The following PCID2 variants were observed in gnomAD, a reference collection of about 807,000 sequenced individuals.
PCID2 encodes PCI domain-containing protein 2.
A neutral mutation model predicts 61.3 loss-of-function variants in PCID2; 41 were observed. The observed-to-expected ratio is 0.67, with a 90% CI of 0.52 to 0.87. The LOEUF (loss-of-function observed/expected upper bound fraction) is 0.87. PCID2 is among the 40% of genes least tolerant of loss of function. The probability of loss-of-function intolerance (pLI) is 0.00; values close to 1 mark genes in which losing one functional copy is unlikely to be tolerated. For missense variants in PCID2, 392 were observed against 493.4 expected (o/e 0.79, Z 1.95); for synonymous variants, 187 against 177.8 (o/e 1.05, Z -0.41).
At chr13:113,185,859 A>C in intron 7 of PCID2, 1 of 273,104 alleles carries the variant, frequency 3.7e-6, no homozygotes, top group Non-Finnish European at 7.0e-6. Flanking sequence ...TGCAGCAACA[A>C]TGCGTAAAAG....
chr13:113,172,011 T>G, the PCID2 span: 1 of 1,613,018 alleles, frequency 6.2e-7, no homozygotes, highest in South Asian at 1.1e-5. Context: ...CTCACGGGGG[T>G]CCTGGGCTCG....
intron 1 of PCID2, chr13:113,208,381 G>T: frequency 6.9e-7 from 1 of 1,438,884 alleles, no homozygotes; most frequent in African/African-American, 1.4e-5. Context: ...CACGGACACC[G>T]CCCGGCCCCC....
chr13:113,175,563 C>CA (rs532538710), downstream of PCID2, among the ~76,000 whole-genome samples: 204 of 152,322 alleles, frequency 1.3e-3, no homozygotes, highest in African/African-American at 4.7e-3. Flanking sequence ...CCCCACTGGA[C>CA]ACATGGGTAG....
Position 113,185,518 on chromosome 13 carries a change from A to T in PCID2, c.510T>A (p.Phe170Leu). The T allele has an allele frequency of 6.2e-7, 1 of 1,613,418 alleles. No individual in the cohort carries two copies. The highest frequency in any genetic ancestry group is 1.3e-5 in the African/African-American group (1 of 75,044). ...AGATTTTAAACAGCTGGTTCACCAGAAACAGCATGCCCCACTTCTTAGAGT... is the reference window on the plus strand; with the variant it reads ...AGATTTTAAACAGCTGGTTCACCAGTAACAGCATGCCCCACTTCTTAGAGT... ...IEDSKKWGML[F>L]LVNQLFKIYF... Residue 170 changes from phenylalanine (F) to leucine (L), a missense_variant, in exon 8 of 14, where the codon TTT (phenylalanine) becomes TTA (leucine). Physicochemically the swap from Phe to Leu is conservative, Grantham distance 22. This residue lies in a region of PCID2 where 226 missense variants were observed against 296.5 expected (regional missense o/e 0.76). Coordinates refer to ENST00000337344, the MANE Select transcript of PCID2 (RefSeq NM_001127202.4).
rs1368158606 is a variant in PCID2, at chr13:113,181,180, T to C, written c.736A>G (p.Lys246Glu). 1 of 1,613,768 alleles carries C rather than the reference T, an allele frequency of 6.2e-7. No individual in the cohort carries two copies. Among genetic ancestry groups the C allele is most frequent in the Admixed American group, 1.7e-5 (1 of 60,004 alleles). ...TAGATCAGAATCATCCTTTTGTTCTTCTGACTAGAACGGTGACAATGCTCA... is the reference window on the plus strand; with the variant it reads ...TAGATCAGAATCATCCTTTTGTTCTCCTGACTAGAACGGTGACAATGCTCA... The part of the protein sequence containing the change: ...AFEHCHRSSQ[K>E]NKRMILIYLL... Residue 246 changes from lysine (K) to glutamate (E), a missense_variant, in exon 10 of 14, where the codon AAG (lysine) becomes GAG (glutamate). Physicochemically the swap from Lys to Glu is moderately conservative, Grantham distance 56 (BLOSUM62 1). Transcript: ENST00000337344.
At chr13:113,170,531 G>A in the PCID2 span, 3 of 1,521,846 alleles carry the variant, frequency 2.0e-6, no homozygotes, top group African/African-American at 2.7e-5. Flanking sequence ...GTAAAAACAT[G>A]TAAGTATTTT....
chr13:113,201,705 G>A (rs559957290), intron 1 of PCID2, among the ~76,000 whole-genome samples: 5 of 151,538 alleles, frequency 3.3e-5, no homozygotes, highest in East Asian at 1.9e-4. Context: ...CCAGGTACTC[G>A]GGAGGCTGAG....
intron 7 of PCID2, among the ~76,000 whole-genome samples, chr13:113,188,870 C>G (rs2038354556): frequency 6.6e-6 from 1 of 152,148 alleles, no homozygotes; most frequent in African/African-American, 2.4e-5. Flanking sequence ...GGAAAAGTTC[C>G]CATCTTTTGA....
chr13:113,193,486 G>A (rs1404866784), intron 6 of PCID2, among the ~76,000 whole-genome samples: 2 of 152,182 alleles, frequency 1.3e-5, no homozygotes, highest in African/African-American at 4.8e-5. Context: ...GATTGCCTCT[G>A]CTGAACTAGA....
chr13:113,170,740 C>T, the PCID2 span, among the ~76,000 whole-genome samples: 1 of 152,062 alleles, frequency 6.6e-6, no homozygotes, highest in African/African-American at 2.4e-5. Flanking sequence ...TGCTAACTCA[C>T]ACTCGGCAAG....
chr13:113,208,251 G>A, intron 1 of PCID2: 3 of 1,439,818 alleles, frequency 2.1e-6, no homozygotes, highest in Non-Finnish European at 1.8e-6. Flanking sequence ...GCCCACAGCG[G>A]GCCCTCGGCG....
At chr13:113,205,542 G>A (rs529716885) in intron 1 of PCID2, among the ~76,000 whole-genome samples, 37 of 152,224 alleles carry the variant, frequency 2.4e-4, no homozygotes, top group African/African-American at 8.4e-4. Flanking sequence ...CAAAACCTGC[G>A]CAAGAATGTT....
At chr13:113,181,785 T>C (rs918436858) in intron 9 of PCID2, among the ~76,000 whole-genome samples, 1 of 152,196 alleles carries the variant, frequency 6.6e-6, no homozygotes, top group Admixed American at 6.5e-5. Context: ...AGAGCAATAT[T>C]AAAAAACAGA....
chr13:113,177,124 T>C (rs2037205483), downstream of PCID2, among the ~76,000 whole-genome samples: 1 of 151,920 alleles, frequency 6.6e-6, no homozygotes, highest in Non-Finnish European at 1.5e-5. Flanking sequence ...ACGAGGTATT[T>C]ACACTTTTAT....
intron 1 of PCID2, chr13:113,208,091 G>C: frequency 1.2e-6 from 2 of 1,612,600 alleles, no homozygotes; most frequent in Non-Finnish European, 1.7e-6. Flanking sequence ...TGCTCGGAGA[G>C]TGAAGGGCGT....
chr13:113,189,796 G>A (rs2038446506), intron 7 of PCID2, among the ~76,000 whole-genome samples: 1 of 151,610 alleles, frequency 6.6e-6, no homozygotes, highest in African/African-American at 2.4e-5. Flanking sequence ...GCCGAGGAGG[G>A]TGGATCACCT....
intron 6 of PCID2, among the ~76,000 whole-genome samples, chr13:113,193,088 A>G (rs1211785538): frequency 1.3e-5 from 2 of 152,166 alleles, no homozygotes; most frequent in African/African-American, 4.8e-5. Context: ...TATGAGACAT[A>G]AATGCTTGTT....
chr13:113,178,523 T>A (rs924439683), intron 13 of PCID2: 4 of 464,224 alleles, frequency 8.6e-6, no homozygotes, highest in Admixed American at 7.1e-5. Flanking sequence ...AAAAAATGCA[T>A]CTGTAATGAA....
downstream of PCID2, among the ~76,000 whole-genome samples, chr13:113,175,867 C>T (rs9549682): frequency 0.17 from 25,917 of 152,244 alleles, 2,867 homozygotes; most frequent in South Asian, 0.41. Context: ...CTGGGATCTG[C>T]GCTCCCAGAA....
Sources: gnomAD v4.1 joint callset for allele counts (sites outside exome capture counted in the v4.1 genomes callset) on GRCh38, gnomAD v4.1.1 for gene constraint, gnomAD v4.1.1 regional missense constraint, MANE v1.5 for transcripts, NCBI Gene and HGNC (gene_info 2026-07-23, HGNC 2026-07-21) for gene names.